KCTD3: variants seen among roughly 807,000 people sequenced by gnomAD.
KCTD3 encodes the protein potassium channel tetramerization domain containing 3.
KCTD3 carries 41 observed loss-of-function variants against 85.8 expected under a neutral mutation model. The ratio of observed to expected loss-of-function variants is 0.48; its 90% CI spans 0.37 to 0.62. KCTD3 has a LOEUF of 0.62. Ranked by LOEUF, KCTD3 falls within the 20% of genes least tolerant of loss-of-function variation. The pLI, the probability that KCTD3 is intolerant of heterozygous loss-of-function variation, is 0.00. For missense variants in KCTD3, 724 were observed against 989.9 expected (o/e 0.73, Z 3.60); for synonymous variants, 338 against 345.4 (o/e 0.98, Z 0.24).
intron 15 of KCTD3, among the ~76,000 whole-genome samples, chr1:215,615,481 G>A (rs540982866): frequency 2.6e-5 from 4 of 152,136 alleles, no homozygotes; most frequent in African/African-American, 9.6e-5. Context: ...TTAGCCAGGC[G>A]TGGTGGCGGG....
At chr1:215,582,069 G>T (rs1659845497) in intron 8 of KCTD3, among the ~76,000 whole-genome samples, 1 of 152,192 alleles carries the variant, frequency 6.6e-6, no homozygotes, top group African/African-American at 2.4e-5. Flanking sequence ...TGTGTGAATT[G>T]CTGCCCCCTT....
rs112510207 is a variant in KCTD3 at position 215,579,556 on chromosome 1, T to A, written c.536-353T>A. Among the ~76,000 whole-genome samples the A allele has an allele frequency of 1.8e-3, 272 of 151,748 alleles. 3 individuals are homozygous for A. The highest frequency in any genetic ancestry group is 6.1e-3 in the African/African-American group (252 of 41,364). ...CTCTGTCGCTCAGGCTGGAGTGCAG[T>A]GGTGCCATCTTGGCTCACTGCAAGC... is the stretch of plus-strand genomic sequence containing the variant. On this transcript the variant is annotated intron_variant, in intron 7 of 17. Transcript: ENST00000259154.
intron 15 of KCTD3, among the ~76,000 whole-genome samples, chr1:215,616,512 G>A (rs1263625356): frequency 1.3e-5 from 2 of 152,238 alleles, no homozygotes; most frequent in African/African-American, 4.8e-5. Context: ...TGTAATCCCA[G>A]CACTTTGGGA....
chr1:215,572,689 A>G (rs1252888939), intron 1 of KCTD3, among the ~76,000 whole-genome samples: 2 of 152,364 alleles, frequency 1.3e-5, no homozygotes, highest in East Asian at 3.9e-4. Context: ...GATGGATGAT[A>G]CAGTGTATAC....
intron 3 of KCTD3, among the ~76,000 whole-genome samples, chr1:215,575,417 G>A (rs962174132): frequency 6.6e-6 from 1 of 152,056 alleles, no homozygotes; most frequent in African/African-American, 2.4e-5. Context: ...TATGAGAATA[G>A]TATTCTTTTC....
At chr1:215,607,426 T>G (rs1655072782) in intron 13 of KCTD3, among the ~76,000 whole-genome samples, 1 of 151,988 alleles carries the variant, frequency 6.6e-6, no homozygotes, top group African/African-American at 2.4e-5. Context: ...TCAGTTAATA[T>G]TCTATTCACA....
chr1:215,610,316 C>T (rs1263571031), intron 14 of KCTD3, among the ~76,000 whole-genome samples: 2 of 151,620 alleles, frequency 1.3e-5, no homozygotes, highest in Non-Finnish European at 3.0e-5. Flanking sequence ...GGCCAAGAAG[C>T]GATCAAAGGT....
intron 8 of KCTD3, chr1:215,581,193 C>CCA: frequency 9.2e-6 from 2 of 216,448 alleles, no homozygotes; most frequent in Non-Finnish European, 1.9e-5. Context: ...TTGCAGTGAG[C>CCA]TGATAGCTCA....
chr1:215,618,116 T>C, intron 15 of KCTD3: 1 of 468,218 alleles, frequency 2.1e-6, no homozygotes, highest in Non-Finnish European at 4.4e-6. Context: ...GGTTTCTAGA[T>C]CCAGCCAAGA....
chr1:215,586,386 G>GTT, intron 8 of KCTD3, 109 bp from the exon 9 acceptor site: 95 of 819,676 alleles, frequency 1.2e-4, no homozygotes, highest in South Asian at 2.6e-4. Flanking sequence ...TAACTGTTTA[G>GTT]TTTTTTTTTT....
intron 9 of KCTD3, among the ~76,000 whole-genome samples, chr1:215,590,332 G>A (rs1286319753): frequency 6.6e-6 from 1 of 152,026 alleles, no homozygotes; most frequent in Non-Finnish European, 1.5e-5. Context: ...CTAGATTTGT[G>A]TTTCACAACC....
At chr1:215,614,058 A>C (rs1571900759) in intron 15 of KCTD3, among the ~76,000 whole-genome samples, 1 of 120,236 alleles carries the variant, frequency 8.3e-6, no homozygotes, top group Admixed American at 1.0e-4. Context: ...TAAGAGACAG[A>C]GTCTCACTCT....
chr1:215,604,684 G>A (rs1485689813), intron 13 of KCTD3, among the ~76,000 whole-genome samples: 1 of 148,262 alleles, frequency 6.7e-6, no homozygotes, highest in Non-Finnish European at 1.5e-5. Context: ...TGCTCTCTTG[G>A]CATATCTTAT....
At chr1:215,601,659 A>C (rs1460778455) in intron 10 of KCTD3, among the ~76,000 whole-genome samples, 1 of 152,182 alleles carries the variant, frequency 6.6e-6, no homozygotes, top group Non-Finnish European at 1.5e-5. Context: ...AAATATTTTG[A>C]AGGAAGTATA....
intron 9 of KCTD3, among the ~76,000 whole-genome samples, chr1:215,589,913 A>T (rs1660148821): frequency 6.6e-6 from 1 of 152,198 alleles, no homozygotes; most frequent in Admixed American, 6.5e-5. Context: ...TTCAAGTAGA[A>T]GTCTTTCTGT....
chr1:215,592,972 G>A (rs980383038), intron 9 of KCTD3, among the ~76,000 whole-genome samples: 1 of 152,162 alleles, frequency 6.6e-6, no homozygotes, highest in Non-Finnish European at 1.5e-5. Context: ...CATTCAGAGT[G>A]TCTTTGTTGA....
rs1243251262 is a variant in KCTD3 at position 215,619,027 on chromosome 1, T to C, written c.1704T>C (p.Asp568=). The change falls in exon 16 of 18, where the codon GAT becomes GAC. Residue 568 remains aspartate (D), a synonymous_variant. Coordinates refer to ENST00000259154, the MANE Select transcript of KCTD3 (RefSeq NM_016121.5). The part of the protein sequence containing the change: ...GHTNGSIQMW[D]LTTAMDMVNK... ...CAAATGGCAGTATTCAAATGTGGGA[T>C]CTGACCACTGCTATGGATATGGTTA... The C allele has an allele frequency of 6.2e-7, 1 of 1,613,828 alleles. No individual in the cohort carries two copies. The highest frequency in any genetic ancestry group is 8.5e-7 in the Non-Finnish European group (1 of 1,179,918).
intron 3 of KCTD3, 124 bp from the exon 4 acceptor site, chr1:215,575,777 A>C (rs1659551207): frequency 3.5e-6 from 2 of 576,974 alleles, no homozygotes; most frequent in Non-Finnish European, 6.0e-6. Context: ...ATTAAAGTTT[A>C]AGAGTGGAAA....
Position 215,621,256 on chromosome 1 carries a change from A to G in KCTD3, c.*638A>G, listed in dbSNP as rs1655678556. ...GAGATCTTAAATCTTAGCAAGCATT[A>G]GCAATATTAAATGCCAAAATTCCAT... On this transcript the variant is annotated 3_prime_UTR_variant, in exon 18 of 18. Transcript: ENST00000259154. 1 of 152,536 alleles carries G rather than the reference A, an allele frequency of 6.6e-6. No homozygotes were observed. Among genetic ancestry groups the G allele is most frequent in the East Asian group, 1.9e-4 (1 of 5,200 alleles). The allele number at this position is 152,536 out of a possible 1,614,324, so 9.4% of individuals were successfully genotyped here. A position where few individuals can be genotyped will look rare whatever the true frequency, so the allele number is the denominator to read the frequency against.
Sources: allele counts gnomAD v4.1 joint callset (sites outside exome capture counted in the v4.1 genomes callset), GRCh38; gene constraint gnomAD v4.1.1; transcripts MANE v1.5; gene names NCBI Gene and HGNC (gene_info 2026-07-23, HGNC 2026-07-21).